CDK6: variants seen among roughly 807,000 people sequenced by gnomAD.
The protein encoded by CDK6 is cyclin-dependent kinase 6.
CDK6 carries 6 observed loss-of-function variants against 37.1 expected under a neutral mutation model. The ratio of observed to expected loss-of-function variants is 0.16; its 90% CI spans 0.09 to 0.32. The LOEUF (loss-of-function observed/expected upper bound fraction) is 0.32, where lower values mean the gene tolerates loss of function less well. Among genes scored for constraint, CDK6 ranks in the 10% least tolerant of loss-of-function variants. The pLI, the probability that CDK6 is intolerant of heterozygous loss-of-function variation, is 1.00. For missense variants in CDK6, 224 were observed against 418.9 expected, an observed-to-expected ratio of 0.53 and a Z score of 4.06; for synonymous variants, 160 against 161.3, an observed-to-expected ratio of 0.99 and a Z score of 0.06.
intron 2 of CDK6, among the ~76,000 whole-genome samples, chr7:92,802,865 C>T (rs1394124303): frequency 1.3e-5 from 2 of 152,164 alleles, no homozygotes; most frequent in Admixed American, 1.3e-4. Context: ...TCCCTCACCT[C>T]TACTCACTAA....
chr7:92,688,913 C>T (rs1797533398), intron 4 of CDK6, among the ~76,000 whole-genome samples: 1 of 152,152 alleles, frequency 6.6e-6, no homozygotes, highest in Non-Finnish European at 1.5e-5. Context: ...TTCACCCACG[C>T]ACAGAATTTA....
chr7:92,691,540 C>T (rs1361431767), intron 4 of CDK6, among the ~76,000 whole-genome samples: 1 of 152,140 alleles, frequency 6.6e-6, no homozygotes, highest in Non-Finnish European at 1.5e-5. Context: ...TAAAATATTT[C>T]TTAGATTTTT....
At chr7:92,655,373 G>C (rs762109769) in intron 5 of CDK6, among the ~76,000 whole-genome samples, 15 of 152,082 alleles carry the variant, frequency 9.9e-5, no homozygotes, top group Non-Finnish European at 2.9e-5. Context: ...AAAGGTACTA[G>C]GTTAGAGAAA....
intron 3 of CDK6, among the ~76,000 whole-genome samples, chr7:92,732,844 C>T (rs1007019443): frequency 1.3e-5 from 2 of 152,144 alleles, no homozygotes; most frequent in Admixed American, 6.6e-5. Flanking sequence ...TGAATGCTAC[C>T]GAGCTGTAGC....
At chr7:92,760,211 A>G (rs1799420548) in intron 3 of CDK6, among the ~76,000 whole-genome samples, 1 of 152,164 alleles carries the variant, frequency 6.6e-6, no homozygotes, top group African/African-American at 2.4e-5. Flanking sequence ...CCATAGCCCA[A>G]TTATACTATT....
At chr7:92,688,033 T>C (rs1048356570) in intron 4 of CDK6, among the ~76,000 whole-genome samples, 4 of 152,224 alleles carry the variant, frequency 2.6e-5, no homozygotes, top group African/African-American at 7.2e-5. Flanking sequence ...ATTTTTTCTG[T>C]TGATGGTTAT....
intron 3 of CDK6, among the ~76,000 whole-genome samples, chr7:92,729,798 A>G (rs1439261685): frequency 6.6e-6 from 1 of 152,054 alleles, no homozygotes; most frequent in East Asian, 1.9e-4. Flanking sequence ...CCCAGGCTGG[A>G]GTGCAGTGGT....
chr7:92,713,618 C>G (rs1337158846), intron 4 of CDK6, among the ~76,000 whole-genome samples: 3 of 137,498 alleles, frequency 2.2e-5, no homozygotes, highest in African/African-American at 8.2e-5. Context: ...AGAAATATAA[C>G]TTTAAATACC....
chr7:92,749,597 A>G (rs1477093856), intron 3 of CDK6, among the ~76,000 whole-genome samples: 2 of 152,178 alleles, frequency 1.3e-5, no homozygotes, highest in Non-Finnish European at 2.9e-5. Context: ...CTATAATCAC[A>G]TGTACATTTT....
At chr7:92,832,334 T>C (rs923986889) in intron 2 of CDK6, among the ~76,000 whole-genome samples, 1 of 152,220 alleles carries the variant, frequency 6.6e-6, no homozygotes, top group African/African-American at 2.4e-5. Context: ...GGGAAAAGCA[T>C]GGGCAGAACA....
rs144190351 is a variant in CDK6, at chr7:92,610,247, G to A, written c.*4893C>T. ...TTCAGCAGATGCTCGAAAAGAGCCT[G>A]TATTTATTTTCAGGTGGCTCTTGTT... On this transcript the variant is annotated 3_prime_UTR_variant, in exon 8 of 8. Transcript: ENST00000424848. The A allele has an allele frequency of 8.7e-4, 203 of 232,368 alleles. No individual in the cohort carries two copies. Among genetic ancestry groups the A allele is most frequent in the African/African-American group, 4.3e-3 (196 of 45,428 alleles). The allele number at this position is 232,368 out of a possible 1,614,324, so 14.4% of individuals were successfully genotyped here. A position where few individuals can be genotyped will look rare whatever the true frequency, so the allele number is the denominator to read the frequency against.
At chr7:92,635,395 A>G (rs1796147161) in intron 5 of CDK6, among the ~76,000 whole-genome samples, 1 of 152,186 alleles carries the variant, frequency 6.6e-6, no homozygotes, top group Non-Finnish European at 1.5e-5. Context: ...GTAACTGATT[A>G]ACAAATAAAT....
At chr7:92,673,926 C>A (rs369422656) in intron 4 of CDK6, among the ~76,000 whole-genome samples, 1 of 151,856 alleles carries the variant, frequency 6.6e-6, no homozygotes, top group African/African-American at 2.4e-5. Flanking sequence ...TACAGGCGCA[C>A]GCCACCACAC....
chr7:92,620,526 T>C (rs543209882), intron 6 of CDK6, among the ~76,000 whole-genome samples: 9 of 152,344 alleles, frequency 5.9e-5, no homozygotes, highest in Admixed American at 4.6e-4. Context: ...TGCTCTAAGA[T>C]GTCACAGGCT....
chr7:92,623,206 A>G, intron 5 of CDK6, 120 bp from the exon 6 acceptor site: 1 of 684,234 alleles, frequency 1.5e-6, no homozygotes, highest in Non-Finnish European at 2.5e-6. Context: ...GAAGAAGTAA[A>G]AAAAATTGAG....
At chr7:92,719,738 A>C (rs1355606295) in intron 4 of CDK6, among the ~76,000 whole-genome samples, 2 of 152,224 alleles carry the variant, frequency 1.3e-5, no homozygotes, top group Non-Finnish European at 2.9e-5. Flanking sequence ...AAAAATACAA[A>C]GATACTGAGG....
intron 2 of CDK6, among the ~76,000 whole-genome samples, chr7:92,789,465 G>T (rs1197733534): frequency 6.6e-6 from 1 of 152,150 alleles, no homozygotes. Context: ...TACGTTAATG[G>T]CCACACAACG....
chr7:92,673,419 T>C (rs576235084), intron 4 of CDK6, among the ~76,000 whole-genome samples: 2 of 152,338 alleles, frequency 1.3e-5, no homozygotes, highest in East Asian at 3.9e-4. Context: ...GTTTAAGTAA[T>C]ACTGGTTGAT....
At chr7:92,621,752 T>G (rs1795809057) in intron 6 of CDK6, among the ~76,000 whole-genome samples, 1 of 152,154 alleles carries the variant, frequency 6.6e-6, no homozygotes, top group Non-Finnish European at 1.5e-5. Context: ...TTATCCACTG[T>G]ACAGAGTGGT....
Sources: allele counts gnomAD v4.1 joint callset (sites outside exome capture counted in the v4.1 genomes callset), GRCh38; gene constraint gnomAD v4.1.1; transcripts MANE v1.5; gene names NCBI Gene and HGNC (gene_info 2026-07-23, HGNC 2026-07-21).